The following FAM174A variants were observed in gnomAD, a reference collection of about 807,000 sequenced individuals.
The protein encoded by FAM174A is family with sequence similarity 174 member A, also known as membrane protein FAM174A.
In FAM174A, 14 loss-of-function variants were observed where a neutral mutation model predicts 14.3. The observed-to-expected ratio is 0.98, with a 90% confidence interval of 0.65 to 1.53. The LOEUF is 1.53. FAM174A is among the 40% of genes most tolerant of loss of function. The pLI, the probability that FAM174A is intolerant of heterozygous loss-of-function variation, is 0.00. For missense variants in FAM174A, 241 were observed against 249.6 expected (o/e 0.97, Z 0.23); for synonymous variants, 108 against 111.4 (o/e 0.97, Z 0.19).
intron 2 of FAM174A, among the ~76,000 whole-genome samples, chr5:100,570,920 A>G (rs1457158557): frequency 1.3e-5 from 2 of 151,878 alleles, no homozygotes; most frequent in Non-Finnish European, 2.9e-5. Context: ...TTTATCATAT[A>G]CTTTTTCTGC....
At chr5:100,581,310 C>G (rs1187241931) in intron 2 of FAM174A, 1 of 908,996 alleles carries the variant, frequency 1.1e-6, no homozygotes, top group Non-Finnish European at 1.3e-6. Context: ...TCCTTAGCTA[C>G]TTTTCTCATA....
chr5:100,568,412 A>G (rs1234647453), intron 2 of FAM174A, among the ~76,000 whole-genome samples: 2 of 151,880 alleles, frequency 1.3e-5, no homozygotes, highest in Middle Eastern at 3.4e-3. Flanking sequence ...AACTGGGTTG[A>G]CTTTGTTTCT....
chr5:100,535,586 T>G lies in FAM174A; in HGVS notation c.56T>G (p.Leu19Arg). ...CLSHLLASVL[L>R]LLLLPELSGP... The stretch of plus-strand genomic sequence containing the variant: ...AGCCACCTCTTGGCTTCCGTCCTCC[T>G]CCTGCTGTTGCTGCCTGAACTAAGC... Residue 19 changes from leucine (L) to arginine (R), a missense_variant, in exon 1 of 3, where the codon CTC becomes CGC. By Grantham distance (102) the Leu-to-Arg change is moderately radical. Transcript: ENST00000312637. The G allele has an allele frequency of 6.2e-7, 1 of 1,613,270 alleles. No individual in the cohort carries two copies. The highest frequency in any genetic ancestry group is 1.3e-5 in the African/African-American group (1 of 75,068).
chr5:100,585,338 T>A (rs751552022), intron 2 of FAM174A, among the ~76,000 whole-genome samples: 10 of 152,224 alleles, frequency 6.6e-5, no homozygotes, highest in Non-Finnish European at 1.2e-4. Context: ...TATGTTAGGA[T>A]CATAAATGAT....
At chr5:100,577,980 G>T (rs1746934899) in intron 2 of FAM174A, among the ~76,000 whole-genome samples, 1 of 152,014 alleles carries the variant, frequency 6.6e-6, no homozygotes, top group African/African-American at 2.4e-5. Flanking sequence ...GAAAGAAGAG[G>T]TATCCAGGAC....
intron 1 of FAM174A, among the ~76,000 whole-genome samples, chr5:100,536,697 T>C (rs2112359834): frequency 6.6e-6 from 1 of 152,296 alleles, no homozygotes; most frequent in South Asian, 2.1e-4. Context: ...ATAAAATAAG[T>C]GTAGAGGGTA....
rs114008907 is a variant in FAM174A, at chr5:100,582,897, C to T, written c.570-3284C>T. Among the ~76,000 whole-genome samples the T allele has an allele frequency of 2.8e-3, 433 of 152,144 alleles. 1 individual carries two copies. Among genetic ancestry groups the T allele is most frequent in the African/African-American group, 8.0e-3 (332 of 41,522 alleles). ...TGTTGGCTCTTGAATAACATGGGGG[C>T]TAGGGGCACCAACTACACAGTCAAA... is the stretch of plus-strand genomic sequence containing the variant. On this transcript the variant is annotated intron_variant, in intron 2 of 2. Transcript: ENST00000312637.
At chr5:100,542,773 C>G (rs1219499514) in intron 1 of FAM174A, among the ~76,000 whole-genome samples, 2 of 152,088 alleles carry the variant, frequency 1.3e-5, no homozygotes, top group African/African-American at 2.4e-5. Context: ...GTGGGAGGAT[C>G]TCTTGAGTCC....
At chr5:100,575,317 A>T (rs1166088604) in intron 2 of FAM174A, among the ~76,000 whole-genome samples, 1 of 152,024 alleles carries the variant, frequency 6.6e-6, no homozygotes, top group Non-Finnish European at 1.5e-5. Flanking sequence ...TTTGTTACAT[A>T]TGTATACATA....
Position 100,562,036 on chromosome 5 carries a change from A to G in FAM174A, c.435-18A>G, listed in dbSNP as rs765374078. 2.0e-5 allele frequency: 28 copies of G among 1,423,744 alleles called. No individual in the cohort carries two copies. Among genetic ancestry groups the G allele is most frequent in the Non-Finnish European group, 2.7e-5 (28 of 1,049,384 alleles). The allele number at this position is 1,423,744 out of a possible 1,614,324, so 88.2% of individuals were successfully genotyped here. A position where few individuals can be genotyped will look rare whatever the true frequency, so the allele number is the denominator to read the frequency against. On this transcript the variant is annotated intron_variant, in intron 1 of 2. Transcript: ENST00000312637. ...CATATTAAATAATTTTTATTCATTA[A>G]TTTGTTCTATTTGATAGGATGAGAA...
intron 2 of FAM174A, 90 bp downstream of exon 2, chr5:100,562,278 C>A: frequency 1.7e-6 from 2 of 1,192,358 alleles, no homozygotes; most frequent in Non-Finnish European, 2.4e-6. Context: ...CATTTAACAG[C>A]TTATATTCCA....
intron 1 of FAM174A, among the ~76,000 whole-genome samples, chr5:100,545,937 A>G (rs1746156477): frequency 6.6e-6 from 1 of 152,232 alleles, no homozygotes. Flanking sequence ...GATGTATACA[A>G]AAAACCTTAT....
intron 1 of FAM174A, among the ~76,000 whole-genome samples, chr5:100,561,173 A>G (rs1746515027): frequency 6.6e-6 from 1 of 152,124 alleles, no homozygotes; most frequent in African/African-American, 2.4e-5. Flanking sequence ...ACAAACTGGA[A>G]GTAGGACTCT....
At chr5:100,552,610 T>G (rs989514896) in intron 1 of FAM174A, among the ~76,000 whole-genome samples, 1 of 152,182 alleles carries the variant, frequency 6.6e-6, no homozygotes, top group African/African-American at 2.4e-5. Flanking sequence ...TGAAATTAAA[T>G]GGAATTTTAT....
At chr5:100,550,839 G>C (rs1044002239) in intron 1 of FAM174A, among the ~76,000 whole-genome samples, 1 of 152,152 alleles carries the variant, frequency 6.6e-6, no homozygotes, top group Non-Finnish European at 1.5e-5. Flanking sequence ...TGAGGCCAAT[G>C]GCAGAGAAAG....
chr5:100,543,160 T>C (rs1746095842), intron 1 of FAM174A, among the ~76,000 whole-genome samples: 2 of 152,128 alleles, frequency 1.3e-5, no homozygotes, highest in South Asian at 2.1e-4. Flanking sequence ...GCATTTCTTT[T>C]ATTTATTTAG....
At chr5:100,560,320 G>A (rs1746498613) in intron 1 of FAM174A, among the ~76,000 whole-genome samples, 1 of 152,058 alleles carries the variant, frequency 6.6e-6, no homozygotes, top group African/African-American at 2.4e-5. Flanking sequence ...ACATGTTAAT[G>A]TAACAACCTA....
intron 1 of FAM174A, among the ~76,000 whole-genome samples, chr5:100,545,302 C>T (rs1746143974): frequency 1.3e-5 from 2 of 152,122 alleles, no homozygotes; most frequent in African/African-American, 4.8e-5. Context: ...TAGAGAAATA[C>T]TTAAATCATA....
intron 1 of FAM174A, among the ~76,000 whole-genome samples, chr5:100,542,896 ATG>A (rs942180247): frequency 1.3e-5 from 2 of 151,354 alleles, no homozygotes; most frequent in East Asian, 1.9e-4. Context: ...TAGGGGGTAT[ATG>A]TGTGTGTGTA....
Sources: gnomAD v4.1 joint callset for allele counts (sites outside exome capture counted in the v4.1 genomes callset) on GRCh38, gnomAD v4.1.1 for gene constraint, MANE v1.5 for transcripts, NCBI Gene and HGNC (gene_info 2026-07-23, HGNC 2026-07-21) for gene names.